Variants in CSMD1 observed in about 807,000 individuals in gnomAD.
CSMD1 encodes the protein CUB and Sushi multiple domains 1.
CSMD1 carries 213 observed loss-of-function variants against 417.5 expected under a neutral mutation model. The observed-to-expected ratio is 0.51, with a 90% CI of 0.46 to 0.57. CSMD1 has a LOEUF of 0.57. CSMD1 is among the 20% of genes least tolerant of loss of function. The pLI, the probability that CSMD1 is intolerant of heterozygous loss-of-function variation, is 0.00. For missense variants in CSMD1, 6,923 were observed against 4,529.7 expected, an observed-to-expected ratio of 1.53 and a Z score of -15.17; for synonymous variants, 2,862 against 1,736.8, an observed-to-expected ratio of 1.65 and a Z score of -16.11.
At chr8:4,816,772 G>A (rs1399044971) in intron 1 of CSMD1, among the ~76,000 whole-genome samples, 3 of 152,140 alleles carry the variant, frequency 2.0e-5, no homozygotes, top group Non-Finnish European at 2.9e-5. Context: ...GACTGAGGAT[G>A]GGGATGAAGG....
intron 46 of CSMD1, among the ~76,000 whole-genome samples, chr8:3,102,924 C>T (rs142104369): frequency 1.4e-3 from 216 of 152,220 alleles, no homozygotes; most frequent in African/African-American, 3.9e-3. Flanking sequence ...GTTTTATTAG[C>T]GGTCTGAAGA....
intron 7 of CSMD1, among the ~76,000 whole-genome samples, chr8:3,637,984 G>T (rs1405112256): frequency 6.6e-6 from 1 of 152,200 alleles, no homozygotes; most frequent in East Asian, 1.9e-4. Context: ...GGCCTCCTCA[G>T]TTATGTGGAA....
chr8:3,755,547 G>A (rs192070245), intron 5 of CSMD1, among the ~76,000 whole-genome samples: 5 of 152,240 alleles, frequency 3.3e-5, no homozygotes, highest in South Asian at 2.1e-4. Context: ...TGTGAGCGCC[G>A]CAGCTGCTTG....
chr8:3,896,494 G>C (rs1807374387), intron 5 of CSMD1, among the ~76,000 whole-genome samples: 2 of 151,884 alleles, frequency 1.3e-5, no homozygotes, highest in Admixed American at 1.3e-4. Flanking sequence ...ATAAGGTCTT[G>C]AATATTATTA....
intron 25 of CSMD1, among the ~76,000 whole-genome samples, chr8:3,287,941 G>T (rs1803278415): frequency 6.8e-6 from 1 of 146,334 alleles, no homozygotes; most frequent in African/African-American, 2.7e-5. Flanking sequence ...CTGTGGGTTT[G>T]TCATAGATAG....
intron 1 of CSMD1, among the ~76,000 whole-genome samples, chr8:4,734,762 G>A (rs1810121346): frequency 6.6e-6 from 1 of 152,146 alleles, no homozygotes; most frequent in Non-Finnish European, 1.5e-5. Context: ...CTTTGAAGAT[G>A]TTCTGCTCAT....
At chr8:4,880,109 G>A (rs981194709) in intron 1 of CSMD1, among the ~76,000 whole-genome samples, 12 of 152,034 alleles carry the variant, frequency 7.9e-5, no homozygotes, top group African/African-American at 1.7e-4. Flanking sequence ...TATTATTTCG[G>A]TCTAAGAAAC....
intron 1 of CSMD1, among the ~76,000 whole-genome samples, chr8:4,696,614 C>T (rs1224443462): frequency 6.6e-6 from 1 of 152,132 alleles, no homozygotes; most frequent in Non-Finnish European, 1.5e-5. Context: ...GATTTATTAT[C>T]CAAACAACGT....
chr8:3,832,893 T>G (rs1802456271), intron 5 of CSMD1, among the ~76,000 whole-genome samples: 1 of 152,208 alleles, frequency 6.6e-6, no homozygotes, highest in African/African-American at 2.4e-5. Context: ...AAACCCATAT[T>G]GCATAAGCAA....
chr8:4,527,084 T>C (rs1174915051), intron 2 of CSMD1, among the ~76,000 whole-genome samples: 1 of 152,192 alleles, frequency 6.6e-6, no homozygotes, highest in Non-Finnish European at 1.5e-5. Context: ...ACATAATTTT[T>C]TTCAGAAGCT....
intron 5 of CSMD1, among the ~76,000 whole-genome samples, chr8:3,844,134 T>C (rs752174128): frequency 6.6e-6 from 1 of 152,214 alleles, no homozygotes; most frequent in Non-Finnish European, 1.5e-5. Context: ...AATAGTACTT[T>C]AAAAATTTTA....
At chr8:4,855,571 G>A (rs1355366820) in intron 1 of CSMD1, among the ~76,000 whole-genome samples, 1 of 152,160 alleles carries the variant, frequency 6.6e-6, no homozygotes, top group African/African-American at 2.4e-5. Context: ...CTGCTTAAAG[G>A]AGCTGATGGA....
intron 1 of CSMD1, among the ~76,000 whole-genome samples, chr8:4,886,906 A>G (rs975768570): frequency 5.3e-5 from 8 of 152,014 alleles, no homozygotes; most frequent in African/African-American, 1.5e-4. Context: ...TTTTAAAAAT[A>G]TTTAGTCGAT....
chr8:4,180,693 C>A (rs186426752), intron 3 of CSMD1, among the ~76,000 whole-genome samples: 49 of 152,258 alleles, frequency 3.2e-4, no homozygotes, highest in Admixed American at 2.6e-3. Context: ...CAAGGTAGCT[C>A]ACTGGTTGTC....
chr8:4,399,215 A>G (rs1379668949), intron 3 of CSMD1, among the ~76,000 whole-genome samples: 1 of 152,230 alleles, frequency 6.6e-6, no homozygotes, highest in Non-Finnish European at 1.5e-5. Context: ...ATGTGTTTAA[A>G]TATATGACAA....
chr8:4,016,730 C>G (rs1796541312), intron 4 of CSMD1, among the ~76,000 whole-genome samples: 1 of 152,154 alleles, frequency 6.6e-6, no homozygotes, highest in African/African-American at 2.4e-5. Flanking sequence ...GACCCTATAG[C>G]CAAACCACCC....
At chr8:3,321,443 T>TC (rs1806149186) in intron 23 of CSMD1, among the ~76,000 whole-genome samples, 1 of 152,138 alleles carries the variant, frequency 6.6e-6, no homozygotes, top group African/African-American at 2.4e-5. Flanking sequence ...CTCTTCCTCC[T>TC]CCCTGAATTT....
At chr8:4,827,960 A>T (rs902871442) in intron 1 of CSMD1, among the ~76,000 whole-genome samples, 2 of 152,206 alleles carry the variant, frequency 1.3e-5, no homozygotes, top group Non-Finnish European at 2.9e-5. Context: ...TATGCTGACT[A>T]AAACTTAGAA....
chr8:4,682,536 T>C (rs1806116321), intron 1 of CSMD1, among the ~76,000 whole-genome samples: 1 of 151,902 alleles, frequency 6.6e-6, no homozygotes, highest in South Asian at 2.1e-4. Context: ...CAGAAAAAAA[T>C]CCAATTAGAA....
Sources: gnomAD v4.1 joint callset for allele counts (sites outside exome capture counted in the v4.1 genomes callset) on GRCh38, gnomAD v4.1.1 for gene constraint, MANE v1.5 for transcripts, NCBI Gene and HGNC (gene_info 2026-07-23, HGNC 2026-07-21) for gene names.